The following CAMKMT variants were observed in gnomAD, a reference collection of about 807,000 sequenced individuals.
CAMKMT encodes calmodulin-lysine N-methyltransferase, also known as CaM KMT.
In CAMKMT, 53 loss-of-function variants were observed where a neutral mutation model predicts 48.0. The observed-to-expected ratio is 1.10, with a 90% CI of 0.89 to 1.39. CAMKMT has a LOEUF of 1.39. Among genes scored for constraint, CAMKMT ranks in the 40% most tolerant of loss-of-function variants. CAMKMT has a pLI of 0.00. For missense variants in CAMKMT, 428 were observed against 402.7 expected, an observed-to-expected ratio of 1.06 and a Z score of -0.54; for synonymous variants, 165 against 152.3, an observed-to-expected ratio of 1.08 and a Z score of -0.61.
chr2:44,772,233 GGGCT>G lies in CAMKMT; in HGVS notation c.*121_*124del. The stretch of plus-strand genomic sequence containing the variant: ...GCGCCCTTTGCAGCATTTCACGTGT[GGGCT>G]ATGGACTCCACCTGTCCTCACCCAC... On this transcript the variant is annotated 3_prime_UTR_variant, in exon 11 of 11. Transcript: ENST00000378494. The G allele has an allele frequency of 1.3e-6, 1 of 762,310 alleles. No individual in the cohort carries two copies. Among genetic ancestry groups the G allele is most frequent in the East Asian group, 2.6e-5 (1 of 38,832 alleles). The allele number at this position is 762,310 out of a possible 1,614,324, so 47.2% of individuals were successfully genotyped here. A position where few individuals can be genotyped will look rare whatever the true frequency, so the allele number is the denominator to read the frequency against.
intron 2 of CAMKMT, among the ~76,000 whole-genome samples, chr2:44,379,090 C>A (rs1450634007): frequency 6.6e-6 from 1 of 152,190 alleles, no homozygotes; most frequent in African/African-American, 2.4e-5. Context: ...TTCCTCTAGT[C>A]CCTGGCAACC....
intron 10 of CAMKMT, among the ~76,000 whole-genome samples, chr2:44,770,084 T>G (rs1681041007): frequency 6.6e-6 from 1 of 152,260 alleles, no homozygotes. Flanking sequence ...AGGTGCCTTT[T>G]GATATTTGTC....
Position 44,478,078 on chromosome 2 carries a change from C to G in CAMKMT, c.376+87773C>G, listed in dbSNP as rs72879307. On this transcript the variant is annotated intron_variant, in intron 3 of 10. Coordinates refer to ENST00000378494, the MANE Select transcript of CAMKMT (RefSeq NM_024766.5). ...AAAAGCAATGTATATTAAATATTTT[C>G]TAGGAATCTGTGATTTTGTGACCAA... Among the ~76,000 whole-genome samples the G allele has an allele frequency of 7.5e-3, 1,141 of 152,222 alleles. 11 individuals carry two copies. Among genetic ancestry groups the G allele is most frequent in the African/African-American group, 0.021 (871 of 41,548 alleles).
At chr2:44,449,870 A>T (rs1667200047) in intron 3 of CAMKMT, among the ~76,000 whole-genome samples, 1 of 152,144 alleles carries the variant, frequency 6.6e-6, no homozygotes, top group Non-Finnish European at 1.5e-5. Context: ...TGGTAAATTC[A>T]GTTCTAATTT....
chr2:44,362,100 A>G lies in CAMKMT; in HGVS notation c.93A>G (p.Val31=), dbSNP rs1057494605. Residue 31 remains valine, a synonymous_variant, in exon 1 of 11, where the codon GTA becomes GTG. Coordinates refer to ENST00000378494, the MANE Select transcript of CAMKMT (RefSeq NM_024766.5). ...TTGGCTGCACCACTCGGGGGCCCGT[A>G]GTCTCGGCGCCCCTGGGAGCCGCCC... ...PAVGCTTRGP[V]VSAPLGAARW... is the part of the protein sequence containing the mutation. 7.5e-6 allele frequency: 11 copies of G among 1,466,258 alleles called. No homozygotes were observed. The highest frequency in any genetic ancestry group is 9.8e-6 in the Non-Finnish European group (11 of 1,120,126). 90.8% of individuals were successfully genotyped at this position (1,466,258 alleles called of 1,614,324 possible). A position where few individuals can be genotyped will look rare whatever the true frequency, so the allele number is the denominator to read the frequency against.
intron 10 of CAMKMT, among the ~76,000 whole-genome samples, chr2:44,771,401 C>A (rs368229232): frequency 6.6e-6 from 1 of 152,066 alleles, no homozygotes; most frequent in African/African-American, 2.4e-5. Flanking sequence ...ATGTGAGAAA[C>A]CTAACTGGAT....
chr2:44,379,469 C>T (rs1400935325), intron 2 of CAMKMT, among the ~76,000 whole-genome samples: 1 of 152,110 alleles, frequency 6.6e-6, no homozygotes, highest in Non-Finnish European at 1.5e-5. Flanking sequence ...CTATGTTTAA[C>T]TTTTTGAGGA....
intron 2 of CAMKMT, among the ~76,000 whole-genome samples, chr2:44,389,932 G>A (rs184209426): frequency 7.7e-4 from 117 of 152,102 alleles, no homozygotes; most frequent in African/African-American, 2.7e-3. Context: ...ATACTGTGTG[G>A]GTTTTTGGCT....
At chr2:44,546,466 C>A (rs1667416825) in intron 3 of CAMKMT, among the ~76,000 whole-genome samples, 1 of 152,192 alleles carries the variant, frequency 6.6e-6, no homozygotes, top group African/African-American at 2.4e-5. Context: ...TAAATCTCAT[C>A]CCTAAAGAGT....
chr2:44,634,737 G>A (rs534249553), intron 3 of CAMKMT, among the ~76,000 whole-genome samples: 7 of 134,154 alleles, frequency 5.2e-5, no homozygotes, highest in Admixed American at 3.6e-4. Context: ...TATGGTGTGG[G>A]GTAGAAGTAT....
intron 3 of CAMKMT, among the ~76,000 whole-genome samples, chr2:44,550,276 C>T (rs940961947): frequency 6.6e-6 from 1 of 151,814 alleles, no homozygotes; most frequent in Non-Finnish European, 1.5e-5. Context: ...TGACACATGA[C>T]TGTAGTCCCA....
chr2:44,567,310 G>A (rs1282664680), intron 3 of CAMKMT, among the ~76,000 whole-genome samples: 3 of 152,100 alleles, frequency 2.0e-5, no homozygotes, highest in Non-Finnish European at 2.9e-5. Flanking sequence ...TCAGTCAGTG[G>A]CGTATTAAAA....
At chr2:44,707,687 C>A (rs979673651) in intron 6 of CAMKMT, among the ~76,000 whole-genome samples, 1 of 152,016 alleles carries the variant, frequency 6.6e-6, no homozygotes, top group African/African-American at 2.4e-5. Flanking sequence ...ATGAAAGGAG[C>A]CTATTTTTGT....
At chr2:44,478,804 C>T (rs1002799166) in intron 3 of CAMKMT, among the ~76,000 whole-genome samples, 18 of 151,552 alleles carry the variant, frequency 1.2e-4, no homozygotes, top group Non-Finnish European at 2.1e-4. Flanking sequence ...GGGTTCACCC[C>T]ATTCTCCTGC....
intron 3 of CAMKMT, among the ~76,000 whole-genome samples, chr2:44,487,837 A>G (rs929750590): frequency 2.2e-4 from 34 of 152,276 alleles, no homozygotes; most frequent in Non-Finnish European, 2.2e-4. Flanking sequence ...CACCTTTTCC[A>G]AAGACTTGAC....
At chr2:44,597,087 C>T (rs952404565) in intron 3 of CAMKMT, among the ~76,000 whole-genome samples, 3 of 152,076 alleles carry the variant, frequency 2.0e-5, no homozygotes, top group Admixed American at 6.6e-5. Flanking sequence ...GTTTCAAGTT[C>T]GTCATGTTGT....
At chr2:44,413,732 T>G (rs1683370296) in intron 3 of CAMKMT, among the ~76,000 whole-genome samples, 1 of 152,110 alleles carries the variant, frequency 6.6e-6, no homozygotes, top group African/African-American at 2.4e-5. Context: ...TTGAAAATTA[T>G]TTTTCAACAC....
At chr2:44,460,240 A>T (rs574420333) in intron 3 of CAMKMT, among the ~76,000 whole-genome samples, 96 of 152,324 alleles carry the variant, frequency 6.3e-4, no homozygotes, top group Middle Eastern at 3.4e-3. Flanking sequence ...TTTTGTTGTT[A>T]GTCTTGAATC....
At chr2:44,749,692 C>T (rs1423810610) in intron 8 of CAMKMT, among the ~76,000 whole-genome samples, 3 of 152,104 alleles carry the variant, frequency 2.0e-5, no homozygotes, top group Non-Finnish European at 4.4e-5. Context: ...AGTGACCTGC[C>T]CAAAGTCACA....
Sources: allele counts gnomAD v4.1 joint callset (sites outside exome capture counted in the v4.1 genomes callset), GRCh38; gene constraint gnomAD v4.1.1; transcripts MANE v1.5; gene names NCBI Gene and HGNC (gene_info 2026-07-23, HGNC 2026-07-21).